Variants in ARHGAP44 observed in about 807,000 individuals in gnomAD.
The protein encoded by ARHGAP44 is Rho GTPase activating protein 44.
ARHGAP44 carries 43 observed loss-of-function variants against 106.8 expected under a neutral mutation model. That is an observed-to-expected ratio of 0.40 (90% CI 0.32 to 0.52). The LOEUF is 0.52. ARHGAP44 is among the 20% of genes least tolerant of loss of function. The pLI is 0.48. For synonymous variants in ARHGAP44, 439 were observed against 410.3 expected, an observed-to-expected ratio of 1.07 and a Z score of -0.85; for missense variants, 866 against 1,050.5, an observed-to-expected ratio of 0.82 and a Z score of 2.43.
At chr17:12,946,127 C>T (rs1449631341) in intron 10 of ARHGAP44, among the ~76,000 whole-genome samples, 1 of 152,102 alleles carries the variant, frequency 6.6e-6, no homozygotes, top group East Asian at 1.9e-4. Flanking sequence ...TGAACTGGAC[C>T]TTTTCTTTCC....
intron 1 of ARHGAP44, among the ~76,000 whole-genome samples, chr17:12,849,215 G>A (rs1394753088): frequency 1.4e-5 from 1 of 73,488 alleles, no homozygotes; most frequent in South Asian, 4.4e-4. Context: ...TGAGGTGGGC[G>A]TGTGTGTGTG....
chr17:12,877,230 T>C (rs1356209102), intron 1 of ARHGAP44, among the ~76,000 whole-genome samples: 1 of 152,192 alleles, frequency 6.6e-6, no homozygotes, highest in Non-Finnish European at 1.5e-5. Context: ...CTTTAGTTAC[T>C]TACTAAAGAT....
intron 8 of ARHGAP44, among the ~76,000 whole-genome samples, chr17:12,941,786 T>G (rs1392130958): frequency 6.6e-6 from 1 of 152,098 alleles, no homozygotes; most frequent in Non-Finnish European, 1.5e-5. Flanking sequence ...TAATTAAGAC[T>G]CAGGTTGTTT....
chr17:12,881,134 CT>C (rs1234740884), intron 1 of ARHGAP44, among the ~76,000 whole-genome samples: 1 of 150,536 alleles, frequency 6.6e-6, no homozygotes, highest in African/African-American at 2.4e-5. Flanking sequence ...TAGTGTCTTT[CT>C]TTTTATTGTT....
At chr17:12,802,962 TATATA>T (rs1351380405) in intron 1 of ARHGAP44, among the ~76,000 whole-genome samples, 2 of 20,154 alleles carry the variant, frequency 9.9e-5, no homozygotes, top group African/African-American at 3.3e-4. Context: ...TATATATATA[TATATA>T]TATTTTTTTT....
intron 1 of ARHGAP44, among the ~76,000 whole-genome samples, chr17:12,841,619 CACACACACACACACACACACAA>C (rs1207313057): frequency 6.9e-6 from 1 of 145,466 alleles, no homozygotes; most frequent in Non-Finnish European, 1.5e-5. Context: ...CACACACACA[CACACACACACACACACACACAA>C]ACAAACAAAC....
chr17:12,804,699 G>A (rs2034220330), intron 1 of ARHGAP44, among the ~76,000 whole-genome samples: 2 of 152,108 alleles, frequency 1.3e-5, no homozygotes, highest in African/African-American at 4.8e-5. Context: ...TTAAGCTATT[G>A]CCTCTCCTTT....
At chr17:12,852,530 C>A (rs1274210917) in intron 1 of ARHGAP44, among the ~76,000 whole-genome samples, 1 of 147,214 alleles carries the variant, frequency 6.8e-6, no homozygotes, top group Admixed American at 6.8e-5. Flanking sequence ...TTTCTATTCT[C>A]TTTGGTTTGT....
At position 12,903,140 on chromosome 17, in the gene ARHGAP44, A is replaced by AGTGTGTGT. The variant is rs546197652; in HGVS notation, c.199-5718_199-5711dup. On this transcript the variant is annotated intron_variant, in intron 3 of 20. Coordinates refer to ENST00000379672, the MANE Select transcript of ARHGAP44 (RefSeq NM_014859.6). The stretch of plus-strand genomic sequence containing the variant: ...AGAGAGAGAGAGGAGAGAGAGAGAG[A>AGTGTGTGT]GTGTGTGTGTGTGTGTGTGTGTGTG... Among the ~76,000 whole-genome samples the AGTGTGTGT allele has an allele frequency of 5.2e-3, 297 of 57,580 alleles. 10 individuals carry two copies. Among genetic ancestry groups the AGTGTGTGT allele is most frequent in the Middle Eastern group, 0.014 (1 of 70 alleles). The allele number at this position is 57,580 out of a possible 152,430, so 37.8% of individuals were successfully genotyped here. A position where few individuals can be genotyped will look rare whatever the true frequency, so the allele number is the denominator to read the frequency against.
At chr17:12,979,752 C>G (rs754805128) in intron 18 of ARHGAP44, among the ~76,000 whole-genome samples, 11 of 152,202 alleles carry the variant, frequency 7.2e-5, no homozygotes, top group Non-Finnish European at 1.3e-4. Flanking sequence ...TAGAGGTGCT[C>G]AGGCCCCTGC....
intron 4 of ARHGAP44, among the ~76,000 whole-genome samples, chr17:12,911,025 G>A (rs2037717962): frequency 6.9e-6 from 1 of 144,342 alleles, no homozygotes; most frequent in African/African-American, 2.6e-5. Flanking sequence ...ATACATGGAA[G>A]GGACTACAAG....
intron 1 of ARHGAP44, among the ~76,000 whole-genome samples, chr17:12,840,692 C>T (rs914328398): frequency 2.6e-5 from 4 of 152,340 alleles, no homozygotes; most frequent in East Asian, 1.9e-4. Flanking sequence ...ATCATCACCA[C>T]GAGGGGGCCT....
At chr17:12,816,512 A>G (rs1944460587) in intron 1 of ARHGAP44, among the ~76,000 whole-genome samples, 1 of 152,246 alleles carries the variant, frequency 6.6e-6, no homozygotes, top group Non-Finnish European at 1.5e-5. Context: ...TTATTTTCAG[A>G]TATGATTGTT....
intron 1 of ARHGAP44, among the ~76,000 whole-genome samples, chr17:12,828,050 A>G (rs977539383): frequency 6.8e-6 from 1 of 146,636 alleles, no homozygotes; most frequent in African/African-American, 2.6e-5. Context: ...AAAAAAAAAA[A>G]GTCTAATAGT....
intron 1 of ARHGAP44, among the ~76,000 whole-genome samples, chr17:12,853,698 A>G (rs1265241541): frequency 2.6e-5 from 4 of 152,338 alleles, no homozygotes; most frequent in African/African-American, 4.8e-5. Context: ...TCTTCAAGAC[A>G]TGACAGAGTT....
intron 5 of ARHGAP44, among the ~76,000 whole-genome samples, chr17:12,918,113 CG>C (rs1278117292): frequency 5.9e-5 from 9 of 152,184 alleles, no homozygotes; most frequent in Non-Finnish European, 1.3e-4. Context: ...AGGAGGGTCC[CG>C]GGTCTGGCCA....
chr17:12,876,551 A>C (rs2036561004), intron 1 of ARHGAP44, among the ~76,000 whole-genome samples: 2 of 152,038 alleles, frequency 1.3e-5, no homozygotes, highest in Non-Finnish European at 2.9e-5. Context: ...TGCTGGGAGG[A>C]ATATTAGGAG....
chr17:12,910,109 G>C (rs2037679742), intron 4 of ARHGAP44, among the ~76,000 whole-genome samples: 1 of 152,102 alleles, frequency 6.6e-6, no homozygotes, highest in Admixed American at 6.5e-5. Flanking sequence ...ATATTTTCAG[G>C]CAGATTTGAA....
chr17:12,829,985 G>A (rs2035037476), intron 1 of ARHGAP44, among the ~76,000 whole-genome samples: 1 of 152,136 alleles, frequency 6.6e-6, no homozygotes, highest in Non-Finnish European at 1.5e-5. Flanking sequence ...TTAATACTCA[G>A]TAAATATTAG....
Sources: gnomAD v4.1 joint callset for allele counts (sites outside exome capture counted in the v4.1 genomes callset) on GRCh38, gnomAD v4.1.1 for gene constraint, MANE v1.5 for transcripts, NCBI Gene and HGNC (gene_info 2026-07-23, HGNC 2026-07-21) for gene names.